The following VAT1L variants were observed in gnomAD, a reference collection of about 807,000 sequenced individuals.
VAT1L encodes the protein vesicle amine transport 1 like, also known as putative NADPH-dependent quinone oxidoreductase VAT1L.
A neutral mutation model predicts 44.1 loss-of-function variants in VAT1L; 34 were observed. The ratio of observed to expected loss-of-function variants is 0.77; its 90% CI spans 0.59 to 1.03. The LOEUF (loss-of-function observed/expected upper bound fraction) is 1.03. Among genes scored for constraint, VAT1L ranks in the 50% least tolerant of loss-of-function variants. VAT1L has a pLI of 0.00. For missense variants in VAT1L, 615 were observed against 538.8 expected, an observed-to-expected ratio of 1.14 and a Z score of -1.40; for synonymous variants, 253 against 202.2, an observed-to-expected ratio of 1.25 and a Z score of -2.13.
At chr16:77,934,501 G>C (rs2017769261) in intron 7 of VAT1L, among the ~76,000 whole-genome samples, 1 of 152,130 alleles carries the variant, frequency 6.6e-6, no homozygotes, top group Non-Finnish European at 1.5e-5. Context: ...CCTCCAGAAG[G>C]AACATGGCCC....
At chr16:77,806,161 C>A (rs1178820009) in intron 1 of VAT1L, among the ~76,000 whole-genome samples, 2 of 151,352 alleles carry the variant, frequency 1.3e-5, no homozygotes, top group Admixed American at 6.6e-5. Flanking sequence ...CAGCACCCAG[C>A]CTCTGCCCCC....
At chr16:77,894,102 G>A (rs1474342136) in intron 7 of VAT1L, among the ~76,000 whole-genome samples, 1 of 152,184 alleles carries the variant, frequency 6.6e-6, no homozygotes, top group Non-Finnish European at 1.5e-5. Context: ...TGGCTCTCGA[G>A]TCCATGCTAT....
intron 1 of VAT1L, among the ~76,000 whole-genome samples, chr16:77,795,547 T>C (rs1597160495): frequency 6.6e-6 from 1 of 152,248 alleles, no homozygotes; most frequent in Non-Finnish European, 1.5e-5. Context: ...GGGTTGAAAC[T>C]ATGGAATTAA....
chr16:77,890,415 G>C (rs1388959958), intron 7 of VAT1L, among the ~76,000 whole-genome samples: 2 of 152,080 alleles, frequency 1.3e-5, no homozygotes, highest in Non-Finnish European at 2.9e-5. Context: ...TGGGTAGGGG[G>C]ATTGCTGTTG....
chr16:77,847,555 C>A (rs2016769802), intron 3 of VAT1L, among the ~76,000 whole-genome samples: 1 of 152,162 alleles, frequency 6.6e-6, no homozygotes, highest in African/African-American at 2.4e-5. Context: ...CATGATAGAG[C>A]TCAAAAATGC....
chr16:77,877,340 C>A (rs2017098571), intron 5 of VAT1L, among the ~76,000 whole-genome samples: 1 of 151,802 alleles, frequency 6.6e-6, no homozygotes, highest in Non-Finnish European at 1.5e-5. Context: ...GAAACCCCGT[C>A]TCTACTAAAA....
intron 7 of VAT1L, among the ~76,000 whole-genome samples, chr16:77,924,525 A>C (rs2017645579): frequency 6.6e-6 from 1 of 151,980 alleles, no homozygotes; most frequent in Admixed American, 6.6e-5. Context: ...CAGTGACACA[A>C]TCTCGGCTCA....
chr16:77,819,881 T>C (rs1375648651), intron 2 of VAT1L, among the ~76,000 whole-genome samples: 1 of 152,224 alleles, frequency 6.6e-6, no homozygotes, highest in Non-Finnish European at 1.5e-5. Context: ...AACCAATCTG[T>C]TCTTTTAGAG....
chr16:77,805,547 A>C (rs1295726997), intron 1 of VAT1L, among the ~76,000 whole-genome samples: 2 of 152,150 alleles, frequency 1.3e-5, no homozygotes, highest in African/African-American at 4.8e-5. Flanking sequence ...CAAAGAGCAC[A>C]CCTTCCCTTA....
chr16:77,889,192 G>C (rs564818893), intron 7 of VAT1L, among the ~76,000 whole-genome samples: 4 of 152,260 alleles, frequency 2.6e-5, no homozygotes, highest in African/African-American at 9.6e-5. Flanking sequence ...AGCCCACAGG[G>C]ATTCAAAGAA....
chr16:77,941,606 TGA>T (rs1224663504), intron 7 of VAT1L, among the ~76,000 whole-genome samples: 3 of 152,116 alleles, frequency 2.0e-5, no homozygotes, highest in African/African-American at 7.2e-5. Context: ...TGCCTTTTTT[TGA>T]GAGTCTTGCT....
At chr16:77,929,906 T>C (rs906064537) in intron 7 of VAT1L, among the ~76,000 whole-genome samples, 2 of 152,150 alleles carry the variant, frequency 1.3e-5, no homozygotes, top group African/African-American at 4.8e-5. Flanking sequence ...GCAGGATTAC[T>C]TGAGTGGAGG....
At chr16:77,825,127 A>C in intron 2 of VAT1L, 119 bp from the exon 3 acceptor site, 2 of 1,073,846 alleles carry the variant, frequency 1.9e-6, no homozygotes, top group East Asian at 2.4e-5. Context: ...TCAGCCTCCC[A>C]AAGTGCTGGG....
intron 3 of VAT1L, among the ~76,000 whole-genome samples, chr16:77,835,813 C>A (rs1219822921): frequency 6.6e-6 from 1 of 151,622 alleles, no homozygotes; most frequent in Non-Finnish European, 1.5e-5. Context: ...GCGGAGGTCA[C>A]AGTGAGCCAA....
At chr16:77,828,285 GGTATGACTAAA>G (rs1477378876) in intron 3 of VAT1L, among the ~76,000 whole-genome samples, 2 of 152,208 alleles carry the variant, frequency 1.3e-5, no homozygotes, top group Admixed American at 6.5e-5. Flanking sequence ...GAACTTTACA[GGTATGACTAAA>G]GTAAGGACGT....
chr16:77,878,765 G>C (rs748677234), intron 5 of VAT1L, among the ~76,000 whole-genome samples: 1 of 152,106 alleles, frequency 6.6e-6, no homozygotes, highest in Non-Finnish European at 1.5e-5. Flanking sequence ...CCAGGTCAGA[G>C]CCCCAAGCCC....
At chr16:77,972,600 G>C (rs1195647296) in intron 8 of VAT1L, among the ~76,000 whole-genome samples, 1 of 151,982 alleles carries the variant, frequency 6.6e-6, no homozygotes, top group African/African-American at 2.4e-5. Context: ...GGCCAAGATG[G>C]TGAAACCCCG....
At chr16:77,795,395 C>A (rs1038292219) in intron 1 of VAT1L, among the ~76,000 whole-genome samples, 14 of 152,048 alleles carry the variant, frequency 9.2e-5, no homozygotes, top group Non-Finnish European at 5.9e-5. Context: ...TGGCAAATAG[C>A]TTAACAGCTT....
intron 6 of VAT1L, among the ~76,000 whole-genome samples, chr16:77,883,130 C>A (rs763721526): frequency 6.6e-6 from 1 of 152,148 alleles, no homozygotes; most frequent in Non-Finnish European, 1.5e-5. Flanking sequence ...CTCCTTAATT[C>A]TTTTCGAAAA....
Sources: allele counts gnomAD v4.1 joint callset (sites outside exome capture counted in the v4.1 genomes callset), GRCh38; gene constraint gnomAD v4.1.1; transcripts MANE v1.5; gene names NCBI Gene and HGNC (gene_info 2026-07-23, HGNC 2026-07-21).